The following ARHGEF38 variants were observed in gnomAD, a reference collection of about 807,000 sequenced individuals.
ARHGEF38 encodes the protein Rho guanine nucleotide exchange factor 38.
ARHGEF38 carries 79 observed loss-of-function variants against 79.9 expected under a neutral mutation model. That is an observed-to-expected ratio of 0.99 (90% CI 0.82 to 1.19). ARHGEF38 has a LOEUF of 1.19. Ranked by LOEUF, ARHGEF38 falls within the 50% of genes most tolerant of loss-of-function variation. The pLI is 0.00. For missense variants in ARHGEF38, 962 were observed against 907.2 expected, an observed-to-expected ratio of 1.06 and a Z score of -0.78; for synonymous variants, 366 against 328.3, an observed-to-expected ratio of 1.11 and a Z score of -1.24.
At chr4:105,637,979 C>G (rs988925726) in intron 5 of ARHGEF38, among the ~76,000 whole-genome samples, 1 of 152,132 alleles carries the variant, frequency 6.6e-6, no homozygotes, top group African/African-American at 2.4e-5. Flanking sequence ...GGATGCACAT[C>G]AAAGCCAAGT....
In ARHGEF38 at chr4:105,667,594, G is replaced by T; in HGVS notation, c.2039G>T (p.Gly680Val). ...SSRPASDSVT[G>V]TSESSIGDSS... ...CGGCCAGCTAGTGACAGTGTCACAG[G>T]CACCTCAGAAAGCAGCATTGGTGAT... The change falls in exon 13 of 14, where the codon GGC becomes GTC. Residue 680 changes from glycine (G) to valine (V), a missense_variant. Physicochemically the swap from Gly to Val is moderately radical, Grantham distance 109. Transcript: ENST00000420470. The T allele has an allele frequency of 6.5e-7, 1 of 1,536,690 alleles. No individual in the cohort carries two copies. The highest frequency in any genetic ancestry group is 8.7e-7 in the Non-Finnish European group (1 of 1,147,048).
intron 2 of ARHGEF38, among the ~76,000 whole-genome samples, chr4:105,598,250 G>A (rs1041389082): frequency 6.6e-6 from 1 of 152,130 alleles, no homozygotes; most frequent in Non-Finnish European, 1.5e-5. Flanking sequence ...CCCACCCACT[G>A]TAGAGTAAGG....
chr4:105,601,424 A>T (rs1403811378), intron 2 of ARHGEF38, among the ~76,000 whole-genome samples: 5 of 152,120 alleles, frequency 3.3e-5, no homozygotes, highest in African/African-American at 1.2e-4. Context: ...AGGATTTTAG[A>T]TGGTATTGAT....
At chr4:105,606,036 G>A (rs1366815477) in intron 2 of ARHGEF38, among the ~76,000 whole-genome samples, 4 of 152,034 alleles carry the variant, frequency 2.6e-5, no homozygotes, top group African/African-American at 9.7e-5. Context: ...TAATTTAGAG[G>A]ATGCATCCAG....
At position 105,679,697 on chromosome 4, in the gene ARHGEF38, C is replaced by T. The variant is rs1265109011; in HGVS notation, c.*1760C>T. The T allele has an allele frequency of 1.3e-6, 1 of 795,940 alleles. No individual in the cohort carries two copies. Among genetic ancestry groups the T allele is most frequent in the Non-Finnish European group, 2.3e-6 (1 of 439,794 alleles). The allele number at this position is 795,940 out of a possible 1,614,324, so 49.3% of individuals were successfully genotyped here. ...AAATCCATTGTAGAAGGAACACCTA[C>T]ACATTTAAAAGTAATTTGTGTTTTT... On this transcript the variant is annotated 3_prime_UTR_variant, in exon 14 of 14. Coordinates refer to ENST00000420470, the MANE Select transcript of ARHGEF38 (RefSeq NM_001242729.2).
intron 13 of ARHGEF38, among the ~76,000 whole-genome samples, chr4:105,675,738 T>C (rs1731096808): frequency 1.3e-5 from 2 of 152,198 alleles, no homozygotes; most frequent in Admixed American, 6.5e-5. Context: ...AAGTCCAAGA[T>C]CAAGGCACCA....
rs1725560383 is a variant in ARHGEF38 at position 105,561,443 on chromosome 4, TA to T, written c.196+8483del. On this transcript the variant is annotated intron_variant, in intron 1 of 13. Transcript: ENST00000420470. ...TAGAATGGAATAGAATAGAATAGAA[TA>T]GAATGGAATAGAATAGAATAGAATA... The T allele has an allele frequency of 1.2e-4, 8 of 68,090 alleles. 1 individual carries two copies. Among genetic ancestry groups the T allele is most frequent in the East Asian group, 9.3e-4 (2 of 2,144 alleles). 4.2% of individuals were successfully genotyped at this position (68,090 alleles called of 1,614,324 possible).
chr4:105,666,779 G>A (rs1730767067), intron 11 of ARHGEF38, among the ~76,000 whole-genome samples: 1 of 152,166 alleles, frequency 6.6e-6, no homozygotes, highest in Non-Finnish European at 1.5e-5. Flanking sequence ...ACATGTACAT[G>A]TACAATTTAC....
Position 105,667,517 on chromosome 4 carries a change from G to C in ARHGEF38, c.1962G>C (p.Glu654Asp), listed in dbSNP as rs757014289. 2 of 1,536,524 alleles carry C rather than the reference G, an allele frequency of 1.3e-6. No homozygotes were observed. The highest frequency in any genetic ancestry group is 2.4e-5 in the South Asian group (2 of 84,060). Reference sequence around the variant, plus strand: ...CAAAAATGCAGAAAGTGGATGCTGAGAACAGGTTCTGTGACGATGATTTTG... The same window carrying C: ...CAAAAATGCAGAAAGTGGATGCTGACAACAGGTTCTGTGACGATGATTTTG... ...NPAKMQKVDA[E>D]NRFCDDDFEN... Residue 654 changes from glutamate (E) to aspartate (D), a missense_variant, in exon 13 of 14, where the codon GAG becomes GAC. Transcript: ENST00000420470.
intron 6 of ARHGEF38, among the ~76,000 whole-genome samples, chr4:105,645,787 G>C (rs1051087805): frequency 6.6e-6 from 1 of 152,176 alleles, no homozygotes; most frequent in Admixed American, 6.5e-5. Context: ...GAAGATCTAG[G>C]TGACAGAGGC....
At chr4:105,613,644 C>T (rs1345288150) in intron 3 of ARHGEF38, 137 bp downstream of exon 3, 1 of 912,884 alleles carries the variant, frequency 1.1e-6, no homozygotes, top group African/African-American at 1.7e-5. Context: ...TCTTTGGGCT[C>T]ATTGTGATTA....
chr4:105,595,952 G>T, intron 2 of ARHGEF38, among the ~76,000 whole-genome samples: 1 of 152,094 alleles, frequency 6.6e-6, no homozygotes, highest in East Asian at 1.9e-4. Flanking sequence ...ATTTTCCCCT[G>T]ATGACAACTA....
At chr4:105,674,596 T>C (rs1260074547) in intron 13 of ARHGEF38, among the ~76,000 whole-genome samples, 4 of 152,064 alleles carry the variant, frequency 2.6e-5, no homozygotes, top group Non-Finnish European at 4.4e-5. Context: ...GACTGCTGTC[T>C]CTTTAAAAGC....
At chr4:105,607,243 A>G (rs999008606) in intron 2 of ARHGEF38, among the ~76,000 whole-genome samples, 1 of 152,160 alleles carries the variant, frequency 6.6e-6, no homozygotes, top group Non-Finnish European at 1.5e-5. Flanking sequence ...GCCTTTGCAG[A>G]TAAAATTAAG....
At chr4:105,606,514 G>A (rs1018255233) in intron 2 of ARHGEF38, among the ~76,000 whole-genome samples, 1 of 151,988 alleles carries the variant, frequency 6.6e-6, no homozygotes, top group Admixed American at 6.6e-5. Context: ...AAAAAGCAAT[G>A]TTTATTTGTT....
At chr4:105,661,513 ATTATTG>A (rs1289441157) in intron 10 of ARHGEF38, among the ~76,000 whole-genome samples, 2 of 139,524 alleles carry the variant, frequency 1.4e-5, no homozygotes, top group East Asian at 2.1e-4. Flanking sequence ...TATTATTATT[ATTATTG>A]TTATAGCTAT....
intron 2 of ARHGEF38, among the ~76,000 whole-genome samples, chr4:105,603,286 G>C (rs932966801): frequency 3.3e-5 from 5 of 152,030 alleles, no homozygotes; most frequent in Non-Finnish European, 7.4e-5. Flanking sequence ...AGGAAACCAA[G>C]GAACAAAGAG....
chr4:105,666,249 G>T lies in ARHGEF38; in HGVS notation c.1618G>T (p.Val540Leu), dbSNP rs1405994624. 2.0e-6 allele frequency: 3 copies of T among 1,535,504 alleles called. No homozygotes were observed. Among genetic ancestry groups the T allele is most frequent in the Admixed American group, 2.0e-5 (1 of 50,916 alleles). ...VLEEIQNLNC[V>L]KENSATFIER... ...AGAAGAGATCCAAAATTTGAATTGT[G>T]TGAAAGAAAACAGTGCCACCTTTAT... Residue 540 changes from valine to leucine, a missense_variant, in exon 11 of 14, where the codon GTG becomes TTG. Physicochemically the swap from Val to Leu is conservative, Grantham distance 32. Coordinates refer to ENST00000420470, the MANE Select transcript of ARHGEF38 (RefSeq NM_001242729.2).
At chr4:105,604,662 G>A (rs1386583445) in intron 2 of ARHGEF38, among the ~76,000 whole-genome samples, 1 of 152,056 alleles carries the variant, frequency 6.6e-6, no homozygotes, top group Non-Finnish European at 1.5e-5. Context: ...GGGCCTAAAG[G>A]ATATGGATGC....
Sources: allele counts gnomAD v4.1 joint callset (sites outside exome capture counted in the v4.1 genomes callset), GRCh38; gene constraint gnomAD v4.1.1; transcripts MANE v1.5; gene names NCBI Gene and HGNC (gene_info 2026-07-23, HGNC 2026-07-21).